The following RAB3C variants were observed in gnomAD, a reference collection of about 807,000 sequenced individuals.
The protein encoded by RAB3C is RAB3C, member RAS oncogene family.
RAB3C carries 17 observed loss-of-function variants against 26.4 expected under a neutral mutation model. The ratio of observed to expected loss-of-function variants is 0.64; its 90% confidence interval spans 0.44 to 0.97. RAB3C has a LOEUF of 0.97. RAB3C is among the 50% of genes least tolerant of loss of function. RAB3C has a pLI of 0.00. For missense variants in RAB3C, 242 were observed against 281.9 expected (o/e 0.86, Z 1.01); for synonymous variants, 91 against 95.9 (o/e 0.95, Z 0.30).
chr5:58,823,859 A>G (rs1286978481), intron 3 of RAB3C: 3 of 144,260 alleles, frequency 2.1e-5, no homozygotes, highest in Non-Finnish European at 4.6e-5. Context: ...TATATCTCCT[A>G]ATGCTATCCC....
At chr5:58,784,290 G>T (rs977690441) in intron 3 of RAB3C, among the ~76,000 whole-genome samples, 14 of 152,182 alleles carry the variant, frequency 9.2e-5, no homozygotes, top group Admixed American at 6.5e-5. Flanking sequence ...ATAAAGGAAA[G>T]AGGTTTAATT....
chr5:58,596,832 A>G (rs1349837120), intron 1 of RAB3C, among the ~76,000 whole-genome samples: 1 of 88,774 alleles, frequency 1.1e-5, no homozygotes, highest in Admixed American at 1.9e-4. Context: ...TATTATATAT[A>G]AATTTATAAT....
chr5:58,823,291 G>A (rs1055309270), intron 3 of RAB3C: 1 of 201,550 alleles, frequency 5.0e-6, no homozygotes. Flanking sequence ...AGGCTGAGGT[G>A]GGTGGATTGC....
At chr5:58,816,451 C>G (rs1743219440) in intron 3 of RAB3C, among the ~76,000 whole-genome samples, 1 of 152,100 alleles carries the variant, frequency 6.6e-6, no homozygotes, top group African/African-American at 2.4e-5. Context: ...ATTTTCCTTT[C>G]ATATTTTACC....
At chr5:58,762,271 AT>A (rs1030675377) in intron 3 of RAB3C, among the ~76,000 whole-genome samples, 7 of 152,202 alleles carry the variant, frequency 4.6e-5, no homozygotes, top group African/African-American at 1.7e-4. Context: ...GAAGGTGACC[AT>A]ATTGGACAGT....
chr5:58,666,109 G>T (rs556720199), intron 2 of RAB3C, among the ~76,000 whole-genome samples: 2 of 152,216 alleles, frequency 1.3e-5, no homozygotes, highest in South Asian at 2.1e-4. Context: ...CTTGCTTCTG[G>T]CAGGTTCCAA....
intron 1 of RAB3C, among the ~76,000 whole-genome samples, chr5:58,615,996 A>AC (rs1463554123): frequency 1.3e-5 from 2 of 151,532 alleles, no homozygotes; most frequent in African/African-American, 2.4e-5. Context: ...ACACACACAC[A>AC]CACACACACA....
chr5:58,699,093 A>G (rs537518117), intron 2 of RAB3C, among the ~76,000 whole-genome samples: 1 of 152,212 alleles, frequency 6.6e-6, no homozygotes, highest in Non-Finnish European at 1.5e-5. Context: ...GATGTTGGTG[A>G]CCTACACATG....
intron 3 of RAB3C, among the ~76,000 whole-genome samples, chr5:58,768,821 G>A (rs372274799): frequency 5.9e-5 from 9 of 152,038 alleles, no homozygotes; most frequent in East Asian, 1.9e-4. Context: ...TTTGAGCCAC[G>A]GCTATTCTGT....
At position 58,726,106 on chromosome 5, in the gene RAB3C, T is replaced by C. The variant is rs766835581; in HGVS notation, c.357T>C (p.Asn119=). The C allele has an allele frequency of 2.9e-5, 46 of 1,567,938 alleles. No homozygotes were observed. Among genetic ancestry groups the C allele is most frequent in the Non-Finnish European group, 3.9e-5 (44 of 1,142,478 alleles). ...MYDITNEESF[N]AVQDWSTQIK... is the part of the protein sequence containing the mutation. ...ACATTACAAATGAAGAATCCTTCAATGCAGTACAAGATTGGTAAGTCAGAG... is the reference window on the plus strand; with the variant it reads ...ACATTACAAATGAAGAATCCTTCAACGCAGTACAAGATTGGTAAGTCAGAG... Residue 119 remains asparagine (N), a synonymous_variant, in exon 3 of 5, where the codon AAT becomes AAC. Transcript: ENST00000282878.
chr5:58,765,067 A>T (rs764822837), intron 3 of RAB3C, among the ~76,000 whole-genome samples: 5 of 152,216 alleles, frequency 3.3e-5, no homozygotes, highest in African/African-American at 4.8e-5. Flanking sequence ...AAGAAAATCA[A>T]CTAGAAAGCA....
chr5:58,821,412 C>T (rs914816422), intron 3 of RAB3C, among the ~76,000 whole-genome samples: 7 of 152,122 alleles, frequency 4.6e-5, no homozygotes, highest in African/African-American at 7.2e-5. Flanking sequence ...CTTTTGACTT[C>T]GTTTGTAAAA....
chr5:58,712,537 T>G (rs775107604), intron 2 of RAB3C, among the ~76,000 whole-genome samples: 1 of 152,176 alleles, frequency 6.6e-6, no homozygotes, highest in Non-Finnish European at 1.5e-5. Context: ...TAGATTTTTT[T>G]TTCTCGAGAC....
chr5:58,708,310 A>G (rs780800738), intron 2 of RAB3C, among the ~76,000 whole-genome samples: 1 of 152,094 alleles, frequency 6.6e-6, no homozygotes, highest in Non-Finnish European at 1.5e-5. Flanking sequence ...TCCTTCTATG[A>G]ACGATGATGG....
chr5:58,796,942 G>T (rs1299083345), intron 3 of RAB3C, among the ~76,000 whole-genome samples: 2 of 150,750 alleles, frequency 1.3e-5, no homozygotes, highest in East Asian at 1.9e-4. Context: ...GTGCAGAGGG[G>T]TTATTCAATA....
chr5:58,789,052 G>A (rs1330920608), intron 3 of RAB3C, among the ~76,000 whole-genome samples: 2 of 152,098 alleles, frequency 1.3e-5, no homozygotes, highest in African/African-American at 4.8e-5. Flanking sequence ...CGTGCATGCA[G>A]CCAGGGGAAA....
At chr5:58,803,547 C>A (rs1742860914) in intron 3 of RAB3C, among the ~76,000 whole-genome samples, 1 of 152,148 alleles carries the variant, frequency 6.6e-6, no homozygotes. Context: ...TCTGATTTTT[C>A]TATGCCAGTC....
chr5:58,798,707 A>T (rs1185210943), intron 3 of RAB3C, among the ~76,000 whole-genome samples: 1 of 152,228 alleles, frequency 6.6e-6, no homozygotes. Flanking sequence ...CCATCCTGAA[A>T]GTATCTCATT....
At chr5:58,692,265 T>C (rs1177330872) in intron 2 of RAB3C, among the ~76,000 whole-genome samples, 1 of 152,194 alleles carries the variant, frequency 6.6e-6, no homozygotes, top group Non-Finnish European at 1.5e-5. Flanking sequence ...GTTCAAACGT[T>C]TCGATAATGC....
Sources: gnomAD v4.1 joint callset for allele counts (sites outside exome capture counted in the v4.1 genomes callset) on GRCh38, gnomAD v4.1.1 for gene constraint, MANE v1.5 for transcripts, NCBI Gene and HGNC (gene_info 2026-07-23, HGNC 2026-07-21) for gene names.